UGCG: variants seen among roughly 807,000 people sequenced by gnomAD.
UGCG encodes the protein UDP-glucose ceramide glucosyltransferase, also known as ceramide glucosyltransferase.
A neutral mutation model predicts 49.5 loss-of-function variants in UGCG; 10 were observed. The ratio of observed to expected loss-of-function variants is 0.20; its 90% CI spans 0.12 to 0.34. The LOEUF is 0.34. Among genes scored for constraint, UGCG ranks in the 10% least tolerant of loss-of-function variants. The pLI is 1.00. For synonymous variants in UGCG, 182 were observed against 158.2 expected (o/e 1.15, Z -1.13); for missense variants, 312 against 483.7 (o/e 0.65, Z 3.33).
chr9:111,921,828 T>TTTTTTTTTTTTTTG, intron 2 of UGCG, among the ~76,000 whole-genome samples: 1 of 134,392 alleles, frequency 7.4e-6, no homozygotes. Context: ...TTTTTTTTTT[T>TTTTTTTTTTTTTTG]GAGGCAGGGT....
intron 6 of UGCG, among the ~76,000 whole-genome samples, chr9:111,930,893 A>G (rs1367427960): frequency 6.6e-6 from 1 of 152,226 alleles, no homozygotes; most frequent in African/African-American, 2.4e-5. Flanking sequence ...ATGGTTTCCT[A>G]GTGTCTCCCA....
intron 1 of UGCG, among the ~76,000 whole-genome samples, chr9:111,906,683 G>T (rs1837892192): frequency 6.6e-6 from 1 of 151,920 alleles, no homozygotes. Context: ...ACCTGCCTCA[G>T]CCTCCCAAAT....
At chr9:111,902,351 G>A (rs985046961) in intron 1 of UGCG, among the ~76,000 whole-genome samples, 4 of 149,308 alleles carry the variant, frequency 2.7e-5, no homozygotes, top group Non-Finnish European at 5.9e-5. Context: ...GAGAGAATTT[G>A]TGTTAGCAAG....
intron 2 of UGCG, among the ~76,000 whole-genome samples, chr9:111,918,957 A>AC (rs1838165880): frequency 6.6e-6 from 1 of 151,546 alleles, no homozygotes; most frequent in Admixed American, 6.6e-5. Flanking sequence ...AAAAACAAAA[A>AC]AAAACACTTC....
intron 1 of UGCG, among the ~76,000 whole-genome samples, chr9:111,901,579 A>G (rs62572657): frequency 0.019 from 2,838 of 152,288 alleles, 37 homozygotes; most frequent in Non-Finnish European, 0.029. Context: ...GTTAATAGAT[A>G]CTGGGCTTAA....
At chr9:111,905,671 C>T (rs1837868523) in intron 1 of UGCG, among the ~76,000 whole-genome samples, 1 of 152,156 alleles carries the variant, frequency 6.6e-6, no homozygotes, top group African/African-American at 2.4e-5. Context: ...TTGGGCTGGT[C>T]TCGAACTCCT....
chr9:111,918,267 C>T (rs989933445), intron 2 of UGCG, among the ~76,000 whole-genome samples: 8 of 152,150 alleles, frequency 5.3e-5, no homozygotes, highest in Non-Finnish European at 8.8e-5. Context: ...GTCTTGAACT[C>T]CTGACCTCAG....
rs1205851974 is a variant in UGCG at position 111,929,665 on chromosome 9, G to A, written c.724G>A (p.Ala242Thr). The stretch of plus-strand genomic sequence containing the variant: ...TGCCGAAGATTACTTTATGGCCAAA[G>A]CGATAGCTGACCGGTAAGACAACTA... ...YIAEDYFMAK[A>T]IADRGWRFAM... Residue 242 changes from alanine (A) to threonine (T), a missense_variant, in exon 6 of 9, where the codon GCG becomes ACG. Physicochemically the swap from Ala to Thr is moderately conservative, Grantham distance 58. Coordinates refer to ENST00000374279, the MANE Select transcript of UGCG (RefSeq NM_003358.3). 5.0e-6 allele frequency: 8 copies of A among 1,613,214 alleles called. No homozygotes were observed. Among genetic ancestry groups the A allele is most frequent in the African/African-American group, 1.3e-5 (1 of 74,898 alleles).
At chr9:111,916,692 T>C (rs959008860) in intron 2 of UGCG, among the ~76,000 whole-genome samples, 2 of 151,480 alleles carry the variant, frequency 1.3e-5, no homozygotes, top group African/African-American at 2.4e-5. Context: ...TCTTGAACTC[T>C]TGGGCTCAAG....
At chr9:111,929,253 A>G (rs1161152464) in intron 5 of UGCG, 3 of 359,358 alleles carry the variant, frequency 8.3e-6, no homozygotes, top group Non-Finnish European at 1.5e-5. Context: ...TTATATATCA[A>G]TGAGTGATAT....
intron 1 of UGCG, among the ~76,000 whole-genome samples, chr9:111,908,555 A>G (rs970119807): frequency 6.6e-6 from 1 of 152,222 alleles, no homozygotes; most frequent in African/African-American, 2.4e-5. Flanking sequence ...TGACTTTATA[A>G]TATGTACATT....
chr9:111,925,041 G>A (rs1838292787), intron 4 of UGCG, among the ~76,000 whole-genome samples, 163 bp downstream of exon 4: 1 of 151,944 alleles, frequency 6.6e-6, no homozygotes, highest in Admixed American at 6.6e-5. Context: ...CTAAGATTTT[G>A]ATTTTTTTAA....
intron 1 of UGCG, among the ~76,000 whole-genome samples, chr9:111,913,146 G>A (rs1442744972): frequency 6.6e-6 from 1 of 152,220 alleles, no homozygotes; most frequent in African/African-American, 2.4e-5. Flanking sequence ...CAGTAAGTCA[G>A]AGCTGCCATC....
rs1837673838 is a variant in UGCG at position 111,897,023 on chromosome 9, G to C, written c.-193G>C. On this transcript the variant is annotated 5_prime_UTR_variant, in exon 1 of 9. Coordinates refer to ENST00000374279, the MANE Select transcript of UGCG (RefSeq NM_003358.3). ...CGAGCGCGCCGAAGACAGCGCGCAG[G>C]CGAGAGCGCGCGGGCGGGGGCGCGC... 1 of 341,320 alleles carries C rather than the reference G, an allele frequency of 2.9e-6. No individual in the cohort carries two copies. Among genetic ancestry groups the C allele is most frequent in the African/African-American group, 2.2e-5 (1 of 45,680 alleles). The allele number at this position is 341,320 out of a possible 1,614,324, so 21.1% of individuals were successfully genotyped here.
intron 1 of UGCG, among the ~76,000 whole-genome samples, chr9:111,904,143 C>T (rs1484219578): frequency 1.3e-5 from 2 of 152,244 alleles, no homozygotes; most frequent in African/African-American, 2.4e-5. Flanking sequence ...TTTAATTCTC[C>T]ATTTAGCCTA....
chr9:111,931,409 G>A (rs1564206625), intron 7 of UGCG, 52 bp downstream of exon 7: 3 of 1,566,168 alleles, frequency 1.9e-6, no homozygotes, highest in East Asian at 2.3e-5. Flanking sequence ...GTGGGGAGGG[G>A]GGTGGTAATT....
intron 7 of UGCG, 141 bp downstream of exon 7, chr9:111,931,498 G>A (rs1838423799): frequency 1.5e-5 from 10 of 688,190 alleles, no homozygotes; most frequent in South Asian, 4.2e-5. Flanking sequence ...AGAGTTTAAC[G>A]TCTGTGTTTA....
intron 6 of UGCG, 151 bp from the exon 7 acceptor site, chr9:111,931,120 T>C: frequency 3.1e-6 from 2 of 643,642 alleles, no homozygotes; most frequent in East Asian, 5.7e-5. Flanking sequence ...ATACGTATGG[T>C]AGACCTTAAG....
At position 111,926,389 on chromosome 9, in the gene UGCG, C is replaced by G; in HGVS notation, c.451C>G (p.Pro151Ala). The G allele has an allele frequency of 6.2e-7, 1 of 1,601,642 alleles. No homozygotes were observed. Among genetic ancestry groups the G allele is most frequent in the Non-Finnish European group, 8.5e-7 (1 of 1,173,180 alleles). ...GCCTTTTTTTTAAATTGTAGTAATT[C>G]CAGATACGCTTACTGACATGGTGAA... ...WICDSGIRVIPDTLTDMVNQM... is the reference protein window; with the variant it reads ...WICDSGIRVIADTLTDMVNQM... The change falls in exon 5 of 9, where the codon CCA becomes GCA. Residue 151 changes from proline (P) to alanine (A), a missense_variant. By Grantham distance (27) the Pro-to-Ala change is conservative. This residue lies in a region of UGCG where 180 missense variants were observed against 320.4 expected (regional missense o/e 0.56). Transcript: ENST00000374279.
Sources: gnomAD v4.1 joint callset for allele counts (sites outside exome capture counted in the v4.1 genomes callset) on GRCh38, gnomAD v4.1.1 for gene constraint, gnomAD v4.1.1 regional missense constraint, MANE v1.5 for transcripts, NCBI Gene and HGNC (gene_info 2026-07-23, HGNC 2026-07-21) for gene names.